Variants in C12orf42 observed in about 807,000 individuals in gnomAD.
C12orf42 encodes uncharacterized protein C12orf42.
C12orf42 carries 25 observed loss-of-function variants against 21.6 expected under a neutral mutation model. That is an observed-to-expected ratio of 1.16 (90% CI 0.84 to 1.62). C12orf42 has a LOEUF of 1.62. C12orf42 is among the 40% of genes most tolerant of loss of function. The pLI is 0.00. For missense variants in C12orf42, 483 were observed against 459.3 expected (o/e 1.05, Z -0.47); for synonymous variants, 174 against 175.0 (o/e 0.99, Z 0.05).
At chr12:103,542,857 G>C in the C12orf42 span, among the ~76,000 whole-genome samples, 1 of 152,196 alleles carries the variant, frequency 6.6e-6, no homozygotes, top group Non-Finnish European at 1.5e-5. Context: ...ATCTGAGGAG[G>C]ACCTTTGCCT....
intron 4 of C12orf42, chr12:103,348,997 T>C (rs2042873064): frequency 2.0e-5 from 3 of 152,198 alleles, no homozygotes; most frequent in South Asian, 4.1e-4. Flanking sequence ...TTTTATTCAA[T>C]ATCCATACCT....
intron 10 of C12orf42, among the ~76,000 whole-genome samples, chr12:103,238,277 A>G (rs533733194): frequency 7.2e-4 from 109 of 152,106 alleles, no homozygotes; most frequent in African/African-American, 2.5e-3. Context: ...CTGCAACAGT[A>G]CAGCTGAATA....
chr12:103,353,882 A>C (rs975393845), intron 4 of C12orf42, among the ~76,000 whole-genome samples: 1 of 152,172 alleles, frequency 6.6e-6, no homozygotes, highest in Non-Finnish European at 1.5e-5. Flanking sequence ...GGTTTCTCAC[A>C]AGCTTTAGTG....
At chr12:103,376,141 G>C (rs184186201) in intron 3 of C12orf42, among the ~76,000 whole-genome samples, 12 of 152,260 alleles carry the variant, frequency 7.9e-5, no homozygotes, top group African/African-American at 2.6e-4. Flanking sequence ...CAATAGCAAA[G>C]ACTTGGAACC....
the C12orf42 span, among the ~76,000 whole-genome samples, chr12:103,222,302 C>T: frequency 6.9e-4 from 100 of 145,142 alleles, 1 homozygote; most frequent in African/African-American, 2.1e-3. Flanking sequence ...TGTTCTCTGG[C>T]GGGCAGGAGT....
At chr12:103,364,083 C>G (rs1354512552) in intron 4 of C12orf42, among the ~76,000 whole-genome samples, 1 of 152,048 alleles carries the variant, frequency 6.6e-6, no homozygotes, top group Non-Finnish European at 1.5e-5. Flanking sequence ...CAAGATAGAC[C>G]ATGTGATAGG....
the C12orf42 span, among the ~76,000 whole-genome samples, chr12:103,185,471 C>T: frequency 1.3e-4 from 19 of 151,632 alleles, no homozygotes; most frequent in African/African-American, 4.4e-4. Flanking sequence ...CCTTCTTTTT[C>T]CCTTCCTTCC....
chr12:103,090,860 C>T, the C12orf42 span, among the ~76,000 whole-genome samples: 15 of 151,978 alleles, frequency 9.9e-5, no homozygotes, highest in Non-Finnish European at 2.1e-4. Context: ...TTTATTAGAA[C>T]CAATGGATAA....
chr12:103,089,619 CTGTGTG>C, the C12orf42 span, among the ~76,000 whole-genome samples: 1,255 of 145,560 alleles, frequency 8.6e-3, 7 homozygotes, highest in African/African-American at 0.02. Context: ...GTGTGTGTGT[CTGTGTG>C]TGTGTGTGTG....
chr12:103,427,868 A>G (rs1249801607), intron 2 of C12orf42, among the ~76,000 whole-genome samples: 1 of 152,230 alleles, frequency 6.6e-6, no homozygotes, highest in Non-Finnish European at 1.5e-5. Flanking sequence ...CTGCTCCTGA[A>G]TGATTACTGG....
At chr12:103,530,851 A>AT in the C12orf42 span, among the ~76,000 whole-genome samples, 5 of 152,166 alleles carry the variant, frequency 3.3e-5, no homozygotes, top group Admixed American at 6.5e-5. Context: ...TGAGCCCATC[A>AT]TTTTGCAAAT....
rs937600260 is a variant in C12orf42 at position 103,353,266 on chromosome 12, G to T, written c.259+15621C>A. Among the ~76,000 whole-genome samples, 5 of 148,122 alleles carry T rather than the reference G, an allele frequency of 3.4e-5. No homozygotes were observed. The East Asian group carries it at 1.0e-3, about 31-fold the overall frequency. Reference sequence around the variant, plus strand: ...ACTCATAGAAAATGTCACCCCTTTTGTTCTCATGGAGTTCCACTGGATTAA... The same window carrying T: ...ACTCATAGAAAATGTCACCCCTTTTTTTCTCATGGAGTTCCACTGGATTAA... On this transcript the variant is annotated intron_variant, in intron 4 of 5. Transcript: ENST00000548883.
intron 4 of C12orf42, among the ~76,000 whole-genome samples, chr12:103,337,043 C>T (rs2041760551): frequency 6.6e-6 from 1 of 152,102 alleles, no homozygotes; most frequent in Admixed American, 6.6e-5. Flanking sequence ...ACTTCTGCTG[C>T]CTAACCAAAA....
the C12orf42 span, among the ~76,000 whole-genome samples, chr12:103,128,640 G>T: frequency 6.6e-6 from 1 of 152,158 alleles, no homozygotes; most frequent in African/African-American, 2.4e-5. Context: ...TTGCATGGTT[G>T]TTGTAAAGTT....
chr12:103,340,286 T>TA (rs1474170833), intron 4 of C12orf42, among the ~76,000 whole-genome samples: 1 of 152,140 alleles, frequency 6.6e-6, no homozygotes, highest in African/African-American at 2.4e-5. Context: ...TGCTCTAAGT[T>TA]AAAAAGAACC....
the C12orf42 span, among the ~76,000 whole-genome samples, chr12:103,085,519 G>A: frequency 2.6e-5 from 4 of 151,486 alleles, no homozygotes; most frequent in African/African-American, 9.7e-5. Flanking sequence ...TGTGCCTGCT[G>A]CAAAATTATT....
the C12orf42 span, among the ~76,000 whole-genome samples, chr12:103,515,983 T>C: frequency 6.6e-6 from 1 of 152,184 alleles, no homozygotes; most frequent in African/African-American, 2.4e-5. Flanking sequence ...ACGTGCTGGA[T>C]TGAGTTTTTT....
chr12:103,363,142 C>T (rs535979362), intron 4 of C12orf42, among the ~76,000 whole-genome samples: 17 of 152,178 alleles, frequency 1.1e-4, no homozygotes, highest in African/African-American at 2.9e-4. Context: ...AGATTAACAG[C>T]GGATTTCTCA....
intron 4 of C12orf42, among the ~76,000 whole-genome samples, chr12:103,362,659 A>C (rs2044221361): frequency 6.6e-6 from 1 of 152,110 alleles, no homozygotes; most frequent in African/African-American, 2.4e-5. Flanking sequence ...AAAAAATCAC[A>C]ACTTCAGGAA....
Sources: allele counts gnomAD v4.1 joint callset (sites outside exome capture counted in the v4.1 genomes callset), GRCh38; gene constraint gnomAD v4.1.1; transcripts MANE v1.5; gene names NCBI Gene and HGNC (gene_info 2026-07-23, HGNC 2026-07-21).